DNER: variants seen among roughly 807,000 people sequenced by gnomAD.
The protein encoded by DNER is delta/notch like EGF repeat containing.
Under a neutral mutation model 78.2 loss-of-function variants are expected in DNER, and 33 were observed. The observed-to-expected ratio is 0.42, with a 90% confidence interval of 0.32 to 0.56. DNER has a LOEUF of 0.56. DNER is among the 20% of genes least tolerant of loss of function. The pLI is 0.11. For missense variants in DNER, 918 were observed against 975.3 expected, an observed-to-expected ratio of 0.94 and a Z score of 0.78; for synonymous variants, 417 against 384.8, an observed-to-expected ratio of 1.08 and a Z score of -0.98.
At chr2:229,508,881 AAAAAGAAAAG>A (rs142109825) in intron 6 of DNER, among the ~76,000 whole-genome samples, 43,743 of 136,842 alleles carry the variant, frequency 0.32, 7,330 homozygotes, top group Admixed American at 0.42. Flanking sequence ...ACTCCATCTC[AAAAAGAAAAG>A]AAAAGAAAAG....
At chr2:229,529,883 C>G (rs928624100) in intron 5 of DNER, among the ~76,000 whole-genome samples, 1 of 152,026 alleles carries the variant, frequency 6.6e-6, no homozygotes, top group Non-Finnish European at 1.5e-5. Context: ...TTGGTATACC[C>G]GTGTGGTCCC....
intron 8 of DNER, among the ~76,000 whole-genome samples, chr2:229,437,616 CA>C (rs1351045396): frequency 6.6e-6 from 1 of 152,166 alleles, no homozygotes; most frequent in Non-Finnish European, 1.5e-5. Flanking sequence ...TATAATGGCA[CA>C]TTGTTACAGA....
intron 1 of DNER, among the ~76,000 whole-genome samples, chr2:229,699,228 AG>A (rs57526610): frequency 0.15 from 22,753 of 152,174 alleles, 2,060 homozygotes; most frequent in East Asian, 0.31. Context: ...CTTAAAAAAA[AG>A]AATCTTGATA....
intron 1 of DNER, among the ~76,000 whole-genome samples, chr2:229,649,796 C>T (rs1407249242): frequency 1.3e-5 from 2 of 152,176 alleles, no homozygotes; most frequent in Non-Finnish European, 2.9e-5. Context: ...ATGGCATCCC[C>T]GGGTGCGGTG....
chr2:229,377,734 G>C (rs1391527866), intron 11 of DNER, among the ~76,000 whole-genome samples: 1 of 152,032 alleles, frequency 6.6e-6, no homozygotes, highest in South Asian at 2.1e-4. Context: ...AAATAACTAG[G>C]GTGATGCGTT....
At chr2:229,382,702 A>G (rs918726625) in intron 11 of DNER, among the ~76,000 whole-genome samples, 2 of 152,030 alleles carry the variant, frequency 1.3e-5, no homozygotes, top group Admixed American at 6.6e-5. Context: ...ATAAAGCATG[A>G]AGACAAGATT....
At chr2:229,548,890 C>T (rs932350567) in intron 4 of DNER, among the ~76,000 whole-genome samples, 5 of 151,872 alleles carry the variant, frequency 3.3e-5, no homozygotes, top group African/African-American at 4.8e-5. Context: ...TAACTTTACC[C>T]GATTTTAAAT....
At chr2:229,522,203 G>A (rs1386497536) in intron 5 of DNER, among the ~76,000 whole-genome samples, 1 of 152,150 alleles carries the variant, frequency 6.6e-6, no homozygotes, top group African/African-American at 2.4e-5. Flanking sequence ...TTACTACCCA[G>A]GGGAGAAGAA....
chr2:229,554,941 AAAGGGAAGGGAAGGGAAGGG>A (rs71045716), intron 4 of DNER, among the ~76,000 whole-genome samples: 1 of 25,608 alleles, frequency 3.9e-5, no homozygotes, highest in African/African-American at 1.3e-4. Context: ...AGAAGAGAGA[AAAGGGAAGGGAAGGGAAGGG>A]AAGGGAAGGG....
chr2:229,706,121 G>A (rs568765402), intron 1 of DNER, among the ~76,000 whole-genome samples: 1 of 152,156 alleles, frequency 6.6e-6, no homozygotes, highest in African/African-American at 2.4e-5. Context: ...GAGAACAAGA[G>A]GAAAAGGGAA....
chr2:229,690,322 T>C (rs1182507738), intron 1 of DNER, among the ~76,000 whole-genome samples: 2 of 152,240 alleles, frequency 1.3e-5, no homozygotes, highest in Admixed American at 1.3e-4. Context: ...AAAATATGTC[T>C]TGCAGGGATC....
In DNER at chr2:229,535,196, C is replaced by G. The variant is rs562699145; in HGVS notation, c.993+11751G>C. ...TAAATATCAATAGATATAACCCAAT[C>G]GACAAAAGCTCTTTGGGGTCCTCAA... is the stretch of plus-strand genomic sequence containing the variant. On this transcript the variant is annotated intron_variant, in intron 5 of 12. Transcript: ENST00000341772. Among the ~76,000 whole-genome samples, 57 of 152,252 alleles carry G rather than the reference C, an allele frequency of 3.7e-4. 1 individual carries two copies. Among genetic ancestry groups the G allele is most frequent in the Admixed American group, 1.3e-4 (2 of 15,292 alleles).
intron 7 of DNER, among the ~76,000 whole-genome samples, chr2:229,459,704 G>A (rs896110593): frequency 1.3e-5 from 2 of 151,972 alleles, no homozygotes; most frequent in Non-Finnish European, 2.9e-5. Flanking sequence ...AAGAGAGTTC[G>A]TGTGAAAGCA....
chr2:229,407,846 A>G (rs144451872), intron 9 of DNER, among the ~76,000 whole-genome samples: 124 of 152,324 alleles, frequency 8.1e-4, no homozygotes, highest in African/African-American at 2.9e-3. Context: ...ACATCACTGC[A>G]TGCTTTATGT....
At chr2:229,661,652 T>C (rs1464346505) in intron 1 of DNER, among the ~76,000 whole-genome samples, 1 of 152,202 alleles carries the variant, frequency 6.6e-6, no homozygotes, top group Non-Finnish European at 1.5e-5. Flanking sequence ...AGAAGCCAAA[T>C]GTTAATAAAA....
At position 229,358,100 on chromosome 2, in the gene DNER, C is replaced by T. The variant is rs1187878706; in HGVS notation, c.*440G>A. ...TTTAACTAGTTTCTTTTCCACAAAA[C>T]GAACATTTCAGACTTCTTTTTAAGT... On this transcript the variant is annotated 3_prime_UTR_variant, in exon 13 of 13. Transcript: ENST00000341772. 1.3e-5 allele frequency: 2 copies of T among 152,886 alleles called. No homozygotes were observed. Among genetic ancestry groups the T allele is most frequent in the Admixed American group, 6.5e-5 (1 of 15,300 alleles). The allele number at this position is 152,886 out of a possible 1,614,324, so 9.5% of individuals were successfully genotyped here. A position where few individuals can be genotyped will look rare whatever the true frequency, so the allele number is the denominator to read the frequency against.
intron 5 of DNER, among the ~76,000 whole-genome samples, chr2:229,518,914 T>C (rs919057595): frequency 3.3e-5 from 5 of 152,106 alleles, no homozygotes; most frequent in Non-Finnish European, 4.4e-5. Context: ...TTAGAACTCA[T>C]GTTTCATTCT....
At chr2:229,676,351 C>T (rs1699300317) in intron 1 of DNER, among the ~76,000 whole-genome samples, 1 of 152,188 alleles carries the variant, frequency 6.6e-6, no homozygotes, top group South Asian at 2.1e-4. Context: ...AAGTTACTCA[C>T]CAGAGAGCAT....
At chr2:229,498,981 A>G (rs1177357214) in intron 6 of DNER, among the ~76,000 whole-genome samples, 1 of 152,230 alleles carries the variant, frequency 6.6e-6, no homozygotes, top group Non-Finnish European at 1.5e-5. Flanking sequence ...AGAGCAAAGC[A>G]GGAGGGATCA....
Sources: gnomAD v4.1 joint callset for allele counts (sites outside exome capture counted in the v4.1 genomes callset) on GRCh38, gnomAD v4.1.1 for gene constraint, MANE v1.5 for transcripts, NCBI Gene and HGNC (gene_info 2026-07-23, HGNC 2026-07-21) for gene names.